Variants in NTN4 observed in about 807,000 individuals in gnomAD.
The protein encoded by NTN4 is netrin-4.
In NTN4, 32 loss-of-function variants were observed where a neutral mutation model predicts 73.6. The ratio of observed to expected loss-of-function variants is 0.44; its 90% confidence interval spans 0.33 to 0.58. The LOEUF (loss-of-function observed/expected upper bound fraction) is 0.58, where lower values mean the gene tolerates loss of function less well. NTN4 is among the 20% of genes least tolerant of loss of function. The pLI is 0.04. For missense variants in NTN4, 654 were observed against 798.3 expected, an observed-to-expected ratio of 0.82 and a Z score of 2.18; for synonymous variants, 258 against 287.5, an observed-to-expected ratio of 0.90 and a Z score of 1.04.
intron 3 of NTN4, among the ~76,000 whole-genome samples, chr12:95,720,183 ATAT>A (rs2078636168): frequency 6.6e-6 from 1 of 152,214 alleles, no homozygotes; most frequent in African/African-American, 2.4e-5. Context: ...GCAAATCCTT[ATAT>A]TATTAGCAAA....
chr12:95,732,433 C>T (rs1217102284), intron 3 of NTN4, among the ~76,000 whole-genome samples: 5 of 111,158 alleles, frequency 4.5e-5, no homozygotes, highest in East Asian at 2.5e-4. Flanking sequence ...ACAAGAGTTT[C>T]GCTCTTGTTA....
At chr12:95,741,769 G>A (rs1592697869) in intron 2 of NTN4, among the ~76,000 whole-genome samples, 1 of 151,102 alleles carries the variant, frequency 6.6e-6, no homozygotes, top group East Asian at 2.0e-4. Flanking sequence ...ATGTAAATGT[G>A]GTCTCTCTCT....
intron 1 of NTN4, 99 bp from the exon 2 acceptor site, chr12:95,787,567 C>T (rs907444263): frequency 2.1e-5 from 25 of 1,179,646 alleles, no homozygotes; most frequent in African/African-American, 1.2e-4. Flanking sequence ...TCCCCAAAAG[C>T]GCTTGAGACT....
At position 95,673,067 on chromosome 12, in the gene NTN4, G is replaced by T. The variant is rs562347297; in HGVS notation, c.1511-2921C>A. ...GCTGCCCAGGGCAAGGCCAAGAAGT[G>T]AAGGCCGGCGGGCGGACTACTGTCC... is the stretch of plus-strand genomic sequence containing the variant. On this transcript the variant is annotated intron_variant, in intron 7 of 9. Coordinates refer to ENST00000343702, the MANE Select transcript of NTN4 (RefSeq NM_021229.4). 8.8e-6 allele frequency: 13 copies of T among 1,475,440 alleles called. No individual in the cohort carries two copies. The South Asian group carries it at 1.4e-4, about 15-fold the overall frequency. 91.4% of individuals were successfully genotyped at this position (1,475,440 alleles called of 1,614,324 possible).
chr12:95,725,839 G>A (rs954947383), intron 3 of NTN4, among the ~76,000 whole-genome samples: 5 of 152,060 alleles, frequency 3.3e-5, no homozygotes, highest in African/African-American at 9.7e-5. Context: ...AAAAAGTTAC[G>A]CTTGTTTAGA....
intron 4 of NTN4, among the ~76,000 whole-genome samples, chr12:95,711,271 T>C (rs1402303843): frequency 6.6e-6 from 1 of 152,224 alleles, no homozygotes; most frequent in African/African-American, 2.4e-5. Context: ...TAGATTTGTC[T>C]AGTTGGGCAG....
At chr12:95,745,465 C>T (rs938371720) in intron 2 of NTN4, among the ~76,000 whole-genome samples, 9 of 152,134 alleles carry the variant, frequency 5.9e-5, no homozygotes, top group African/African-American at 2.2e-4. Flanking sequence ...TTTTTCATCT[C>T]AGGCATCAGA....
Position 95,659,071 on chromosome 12 carries a change from C to A in NTN4, c.*15G>T. 1.2e-6 allele frequency: 2 copies of A among 1,603,982 alleles called. No homozygotes were observed. Among genetic ancestry groups the A allele is most frequent in the South Asian group, 1.1e-5 (1 of 89,038 alleles). ...GTACATAGACAAGTGCCATTATGTG[C>A]TATCCATCTTAATGCTACTTGCACT... On this transcript the variant is annotated 3_prime_UTR_variant, in exon 10 of 10. Coordinates refer to ENST00000343702, the MANE Select transcript of NTN4 (RefSeq NM_021229.4).
chr12:95,730,179 G>A (rs4762244), intron 3 of NTN4, among the ~76,000 whole-genome samples: 123,702 of 152,162 alleles, frequency 0.81, 50,400 homozygotes, highest in South Asian at 0.86. Context: ...CACTTTTACA[G>A]TGCCCCAATT....
chr12:95,767,440 G>A (rs986656632), intron 2 of NTN4, among the ~76,000 whole-genome samples: 3 of 152,100 alleles, frequency 2.0e-5, no homozygotes, highest in Non-Finnish European at 4.4e-5. Context: ...CTCTCTCACC[G>A]AAGAAAGTTT....
chr12:95,724,807 T>TAC (rs2078679729), intron 3 of NTN4, among the ~76,000 whole-genome samples: 1 of 152,146 alleles, frequency 6.6e-6, no homozygotes, highest in African/African-American at 2.4e-5. Flanking sequence ...AGACAGTAGC[T>TAC]ACATAGTCAT....
At chr12:95,778,587 A>C (rs1446263440) in intron 2 of NTN4, among the ~76,000 whole-genome samples, 2 of 152,218 alleles carry the variant, frequency 1.3e-5, no homozygotes, top group Non-Finnish European at 2.9e-5. Flanking sequence ...TCCTGGACAC[A>C]TACACCCTCC....
At chr12:95,725,717 G>C (rs778878851) in intron 3 of NTN4, among the ~76,000 whole-genome samples, 1 of 152,162 alleles carries the variant, frequency 6.6e-6, no homozygotes, top group African/African-American at 2.4e-5. Flanking sequence ...AATTCATTCA[G>C]ATGCTTCTTT....
intron 7 of NTN4, chr12:95,673,373 C>A (rs2078248770): frequency 8.1e-6 from 2 of 247,954 alleles, no homozygotes; most frequent in South Asian, 1.0e-4. Flanking sequence ...GCTTTGTTTA[C>A]TAAGAACTTG....
intron 3 of NTN4, among the ~76,000 whole-genome samples, chr12:95,715,170 C>T (rs556512509): frequency 2.6e-5 from 4 of 152,134 alleles, no homozygotes; most frequent in South Asian, 4.2e-4. Flanking sequence ...TAGAGGACTT[C>T]GGGCTGCGTG....
intron 8 of NTN4, among the ~76,000 whole-genome samples, chr12:95,668,901 G>A (rs1350555113): frequency 1.3e-5 from 2 of 152,140 alleles, no homozygotes; most frequent in Admixed American, 6.5e-5. Context: ...CGAGGCAGGC[G>A]GATCACGAGG....
chr12:95,712,235 C>T (rs1477427214), intron 4 of NTN4, among the ~76,000 whole-genome samples: 1 of 152,156 alleles, frequency 6.6e-6, no homozygotes, highest in Non-Finnish European at 1.5e-5. Context: ...AATCTCCAGC[C>T]TCAAACCTCA....
chr12:95,703,166 C>T (rs977764566), intron 5 of NTN4, among the ~76,000 whole-genome samples: 2 of 151,980 alleles, frequency 1.3e-5, no homozygotes, highest in Non-Finnish European at 2.9e-5. Flanking sequence ...CCAGTTCTAA[C>T]TTTTGAGAAG....
chr12:95,663,921 G>C (rs563078339), intron 9 of NTN4, among the ~76,000 whole-genome samples: 1 of 152,208 alleles, frequency 6.6e-6, no homozygotes, highest in South Asian at 2.1e-4. Flanking sequence ...AAGACAGTAG[G>C]AAAGCTCTTA....
Sources: allele counts gnomAD v4.1 joint callset (sites outside exome capture counted in the v4.1 genomes callset), GRCh38; gene constraint gnomAD v4.1.1; transcripts MANE v1.5; gene names NCBI Gene and HGNC (gene_info 2026-07-23, HGNC 2026-07-21).